PLEKHM3: variants seen among roughly 807,000 people sequenced by gnomAD.
PLEKHM3 encodes pleckstrin homology domain containing M3, also known as pleckstrin homology domain-containing family M member 3.
PLEKHM3 carries 45 observed loss-of-function variants against 81.8 expected under a neutral mutation model. The observed-to-expected ratio is 0.55, with a 90% confidence interval of 0.43 to 0.71. The LOEUF (loss-of-function observed/expected upper bound fraction) is 0.71, where lower values mean the gene tolerates loss of function less well. PLEKHM3 is among the 30% of genes least tolerant of loss of function. The probability of loss-of-function intolerance (pLI) is 0.00; values close to 1 mark genes in which losing one functional copy is unlikely to be tolerated. For synonymous variants in PLEKHM3, 352 were observed against 356.4 expected (o/e 0.99, Z 0.14); for missense variants, 788 against 924.3 (o/e 0.85, Z 1.91).
chr2:207,928,323 T>C (rs1266881395), intron 5 of PLEKHM3, among the ~76,000 whole-genome samples: 1 of 152,170 alleles, frequency 6.6e-6, no homozygotes, highest in Non-Finnish European at 1.5e-5. Flanking sequence ...CCAGCTAGCT[T>C]TCCATCCACT....
chr2:207,905,019 T>C (rs1243109921), intron 6 of PLEKHM3, among the ~76,000 whole-genome samples: 6 of 152,344 alleles, frequency 3.9e-5, no homozygotes, highest in South Asian at 4.1e-4. Context: ...TTACCTATTT[T>C]TTTTCTTTTT....
At chr2:207,926,771 G>T (rs1012665038) in intron 5 of PLEKHM3, among the ~76,000 whole-genome samples, 3 of 152,142 alleles carry the variant, frequency 2.0e-5, no homozygotes, top group African/African-American at 7.2e-5. Flanking sequence ...CAAGAACAAG[G>T]CGTTCATTTA....
At chr2:208,019,339 T>C (rs1417927275) in intron 1 of PLEKHM3, among the ~76,000 whole-genome samples, 1 of 152,044 alleles carries the variant, frequency 6.6e-6, no homozygotes, top group Non-Finnish European at 1.5e-5. Context: ...TTCCACTTGC[T>C]TTCTCACCTA....
chr2:207,899,434 C>T (rs112949801), intron 6 of PLEKHM3, among the ~76,000 whole-genome samples: 40 of 152,210 alleles, frequency 2.6e-4, no homozygotes, highest in Admixed American at 1.4e-3. Flanking sequence ...GAATCTAGTC[C>T]GTTTCTGAGA....
At chr2:207,931,802 G>A (rs186321923) in intron 4 of PLEKHM3, among the ~76,000 whole-genome samples, 1 of 151,854 alleles carries the variant, frequency 6.6e-6, no homozygotes, top group East Asian at 1.9e-4. Flanking sequence ...GCGAAACCCC[G>A]TCTCTACTAA....
intron 2 of PLEKHM3, among the ~76,000 whole-genome samples, chr2:207,982,829 C>T (rs1273684315): frequency 1.3e-5 from 2 of 151,758 alleles, no homozygotes; most frequent in Non-Finnish European, 2.9e-5. Flanking sequence ...CTGCTTGCCT[C>T]GGCCTCCCAA....
At chr2:207,893,006 G>A (rs1459515669) in intron 6 of PLEKHM3, among the ~76,000 whole-genome samples, 1 of 152,136 alleles carries the variant, frequency 6.6e-6, no homozygotes, top group Non-Finnish European at 1.5e-5. Context: ...AAACGTGAAA[G>A]CCTGTGTAAA....
intron 7 of PLEKHM3, among the ~76,000 whole-genome samples, chr2:207,858,974 C>T (rs1473373300): frequency 1.3e-5 from 2 of 152,044 alleles, no homozygotes; most frequent in African/African-American, 4.8e-5. Flanking sequence ...TTCCCCCAAG[C>T]CCTAGACAAC....
chr2:208,001,603 A>C lies in PLEKHM3; in HGVS notation c.37T>G (p.Leu13Val), dbSNP rs1559278439. Residue 13 changes from leucine (L) to valine (V), a missense_variant, in exon 2 of 8, where the codon TTA becomes GTA. By Grantham distance (32) the Leu-to-Val change is conservative (BLOSUM62 1). Coordinates refer to ENST00000427836, the MANE Select transcript of PLEKHM3 (RefSeq NM_001080475.3). ...CTAAAGAATTCCTCCGTAACTTCTA[A>C]GGCTGGGCTGATATCATCCACTTCC... ...ALEVDDISPALEVTEEFFSTL... is the reference protein window; with the variant it reads ...ALEVDDISPAVEVTEEFFSTL... 1.2e-6 allele frequency: 2 copies of C among 1,614,130 alleles called. No individual in the cohort carries two copies. The highest frequency in any genetic ancestry group is 8.5e-7 in the Non-Finnish European group (1 of 1,180,002).
At chr2:207,870,630 A>C (rs1381618177) in intron 6 of PLEKHM3, among the ~76,000 whole-genome samples, 4 of 152,224 alleles carry the variant, frequency 2.6e-5, no homozygotes. Context: ...GTCATTTCTC[A>C]GTTCATTTAA....
At chr2:207,834,321 G>A (rs187403178) in intron 7 of PLEKHM3, among the ~76,000 whole-genome samples, 1 of 151,778 alleles carries the variant, frequency 6.6e-6, no homozygotes, top group East Asian at 1.9e-4. Context: ...GTAGAGATAG[G>A]GTTTCTCCAT....
intron 6 of PLEKHM3, among the ~76,000 whole-genome samples, chr2:207,865,801 A>AAAAAAAATATATAT: frequency 1.6e-4 from 4 of 25,290 alleles, no homozygotes; most frequent in African/African-American, 8.3e-4. Context: ...AAAAAAAAAA[A>AAAAAAAATATATAT]AGATATATAT....
intron 3 of PLEKHM3, among the ~76,000 whole-genome samples, chr2:207,969,192 G>A (rs1358672355): frequency 1.3e-5 from 2 of 152,202 alleles, no homozygotes; most frequent in African/African-American, 2.4e-5. Context: ...TTTTTCAAGA[G>A]CGTAATACAC....
At chr2:207,837,753 G>A (rs2092328013) in intron 7 of PLEKHM3, among the ~76,000 whole-genome samples, 2 of 111,868 alleles carry the variant, frequency 1.8e-5, no homozygotes, top group Non-Finnish European at 3.5e-5. Context: ...CGCCTGGCCG[G>A]TTCTTCCATT....
chr2:208,012,741 G>A (rs576282175), intron 1 of PLEKHM3, among the ~76,000 whole-genome samples: 11 of 152,218 alleles, frequency 7.2e-5, no homozygotes, highest in Non-Finnish European at 1.2e-4. Flanking sequence ...CTTCTTATCT[G>A]CAAATGGAAG....
At chr2:207,973,720 C>T (rs556752093) in intron 3 of PLEKHM3, among the ~76,000 whole-genome samples, 17 of 151,730 alleles carry the variant, frequency 1.1e-4, no homozygotes, top group South Asian at 4.2e-4. Context: ...ACCTGGGCAA[C>T]GAGAGCGAAA....
intron 6 of PLEKHM3, among the ~76,000 whole-genome samples, chr2:207,864,339 C>T (rs955680716): frequency 6.6e-6 from 1 of 152,218 alleles, no homozygotes; most frequent in Non-Finnish European, 1.5e-5. Flanking sequence ...TTCTAAGAAA[C>T]AGCCACTACC....
rs530512253 is a variant in PLEKHM3 at position 207,948,277 on chromosome 2, G to A, written c.1547-1765C>T. 8.4e-4 allele frequency among the ~76,000 whole-genome samples: 128 copies of A among 151,836 alleles called. 1 individual carries two copies. Among genetic ancestry groups the A allele is most frequent in the Non-Finnish European group, 1.3e-3 (89 of 67,966 alleles). Reference sequence around the variant, plus strand: ...CTGCATTACTCATTTGGCATTTAGCGCGTGCCTCTTTAAATTATCATGCCT... The same window carrying A: ...CTGCATTACTCATTTGGCATTTAGCACGTGCCTCTTTAAATTATCATGCCT... On this transcript the variant is annotated intron_variant, in intron 3 of 7. Transcript: ENST00000427836.
At chr2:207,975,899 A>T (rs1559265081) in intron 3 of PLEKHM3, among the ~76,000 whole-genome samples, 2 of 140,086 alleles carry the variant, frequency 1.4e-5, no homozygotes. Context: ...ACCTGGCACA[A>T]TTTTTTTTTT....
Sources: gnomAD v4.1 joint callset for allele counts (sites outside exome capture counted in the v4.1 genomes callset) on GRCh38, gnomAD v4.1.1 for gene constraint, MANE v1.5 for transcripts, NCBI Gene and HGNC (gene_info 2026-07-23, HGNC 2026-07-21) for gene names.